The following GNRH2 variants were observed in gnomAD, a reference collection of about 807,000 sequenced individuals.
GNRH2 encodes the protein gonadotropin releasing hormone 2, also known as progonadoliberin-2.
A neutral mutation model predicts 12.1 loss-of-function variants in GNRH2; 15 were observed. The ratio of observed to expected loss-of-function variants is 1.24; its 90% CI spans 0.83 to 1.90. GNRH2 has a LOEUF of 1.90. GNRH2 is among the 40% of genes most tolerant of loss of function. The probability of loss-of-function intolerance (pLI) is 0.00; values close to 1 mark genes in which losing one functional copy is unlikely to be tolerated. For missense variants in GNRH2, 143 were observed against 141.4 expected (o/e 1.01, Z -0.06); for synonymous variants, 60 against 62.0 (o/e 0.97, Z 0.15).
intron 3 of GNRH2, 92 bp from the exon 4 acceptor site, chr20:3,045,584 TGGGGACTGGG>T (rs2065980569): frequency 1.1e-6 from 1 of 951,698 alleles, no homozygotes; most frequent in Non-Finnish European, 1.6e-6. Flanking sequence ...GGAGGCCACA[TGGGGACTGGG>T]GGGGACGAGA....
At chr20:3,044,963 A>AC (rs2148554913) in intron 3 of GNRH2, 127 bp downstream of exon 3, 2 of 699,290 alleles carry the variant, frequency 2.9e-6, no homozygotes, top group South Asian at 1.8e-5. Context: ...CTGCCACAGC[A>AC]CCCCCAGCCA....
In GNRH2 at chr20:3,045,728, A is replaced by G. The variant is rs887428093; in HGVS notation, c.334A>G (p.Lys112Glu). The change falls in exon 4 of 4, where the codon AAA becomes GAA. Residue 112 changes from lysine (K) to glutamate (E), a missense_variant. Coordinates refer to ENST00000359100, the MANE Select transcript of GNRH2 (RefSeq NM_178331.2). ...CCGCCCCGCCCCGCCATCCTCCAAT[A>G]AAGTGTGAGGTTCTCCGAAGCTGTT... The part of the protein sequence containing the change: ...EPRPAPPSSN[K>E]V 1.3e-6 allele frequency: 2 copies of G among 1,599,896 alleles called. No individual in the cohort carries two copies. Among genetic ancestry groups the G allele is most frequent in the Non-Finnish European group, 1.7e-6 (2 of 1,168,622 alleles).
chr20:3,044,597 A>T, intron 2 of GNRH2, 29 bp downstream of exon 2: 1 of 1,611,628 alleles, frequency 6.2e-7, no homozygotes, highest in Non-Finnish European at 8.5e-7. Flanking sequence ...CATGGGGAGG[A>T]AGAAAGTGAT....
At chr20:3,044,613 G>A (rs958613721) in intron 2 of GNRH2, 45 bp downstream of exon 2, 4 of 1,610,128 alleles carry the variant, frequency 2.5e-6, no homozygotes, top group Non-Finnish European at 3.4e-6. Flanking sequence ...GTGATGGCCG[G>A]GGGCTCCCCC....
In GNRH2 at chr20:3,044,743, C is replaced by T. The variant is rs115742898; in HGVS notation, c.198C>T (p.Ala66=). 4,308 of 1,611,778 alleles carry T rather than the reference C, an allele frequency of 2.7e-3. 86 individuals are homozygous for T. In the African/African-American group the frequency reaches 0.045, roughly 17 times the overall value. Reference sequence around the variant, plus strand: ...CTGCCCATGGCCTCCCAAGTGATGCCCTGGCTCCCCTGGACGACAGCATGC... The same window carrying T: ...CTGCCCATGGCCTCCCAAGTGATGCTCTGGCTCCCCTGGACGACAGCATGC... The part of the protein sequence containing the change: ...VQTAHGLPSD[A]LAPLDDSMPW... Residue 66 remains alanine (A), a synonymous_variant, in exon 3 of 4, where the codon GCC becomes GCT. Transcript: ENST00000359100.
chr20:3,044,743 C>G lies in GNRH2; in HGVS notation c.198C>G (p.Ala66=). The G allele has an allele frequency of 6.2e-7, 1 of 1,611,780 alleles. No homozygotes were observed. The highest frequency in any genetic ancestry group is 8.5e-7 in the Non-Finnish European group (1 of 1,178,840). ...VQTAHGLPSD[A]LAPLDDSMPW... is the part of the protein sequence containing the mutation. ...CTGCCCATGGCCTCCCAAGTGATGCCCTGGCTCCCCTGGACGACAGCATGC... is the reference window on the plus strand; with the variant it reads ...CTGCCCATGGCCTCCCAAGTGATGCGCTGGCTCCCCTGGACGACAGCATGC... Residue 66 remains alanine (A), a synonymous_variant, in exon 3 of 4, where the codon GCC becomes GCG. Transcript: ENST00000359100.
At position 3,044,813 on chromosome 20, in the gene GNRH2, C is replaced by T. The variant is rs765920887; in HGVS notation, c.268C>T (p.Arg90Ter). The change falls in exon 3 of 4, where the codon CGA (arginine) becomes TGA (stop). Residue 90 changes from arginine to a stop codon, truncating the protein, a stop_gained. Transcript: ENST00000359100. LOFTEE classifies it low-confidence loss of function (END_TRUNC). ...GGCCCAGTGGTCCCTTCACAGGAAG[C>T]GACACCTGGCACGGACACTGCTGGT... is the stretch of plus-strand genomic sequence containing the variant. ...TTAQWSLHRK[R>*]HLARTLLTAA... The T allele has an allele frequency of 4.8e-5, 77 of 1,610,600 alleles. No homozygotes were observed. The Admixed American group carries it at 7.5e-4, about 16-fold the overall frequency.
intron 3 of GNRH2, among the ~76,000 whole-genome samples, chr20:3,045,460 T>C (rs1323686482): frequency 1.3e-5 from 2 of 152,140 alleles, no homozygotes; most frequent in Non-Finnish European, 2.9e-5. Flanking sequence ...TGCTGAGGTT[T>C]CTATGCGTCA....
intron 3 of GNRH2, among the ~76,000 whole-genome samples, 179 bp from the exon 4 acceptor site, chr20:3,045,507 G>A (rs915957393): frequency 6.6e-6 from 1 of 152,060 alleles, no homozygotes; most frequent in African/African-American, 2.4e-5. Context: ...ATGCCCAAGG[G>A]AGCTGGAGAT....
chr20:3,044,126 T>C (rs914910428), intron 1 of GNRH2: 2 of 429,678 alleles, frequency 4.7e-6, no homozygotes, highest in African/African-American at 3.9e-5. Flanking sequence ...TGGATGGACC[T>C]GGACAAGTGG....
intron 2 of GNRH2, 43 bp downstream of exon 2, chr20:3,044,611 C>CG: frequency 6.2e-7 from 1 of 1,609,862 alleles, no homozygotes; most frequent in Non-Finnish European, 8.5e-7. Context: ...AAGTGATGGC[C>CG]GGGGGCTCCC....
Position 3,045,673 on chromosome 20 carries a change from T to G in GNRH2, c.292-13T>G, listed in dbSNP as rs2065981755. On this transcript the variant is annotated splice_polypyrimidine_tract_variant and intron_variant, in intron 3 of 3. Transcript: ENST00000359100. ...AGTGTCCTGAGACATGACCGCCACC[T>G]CTCCCTCCGCAGACCGCAGCCCGAG... is the stretch of plus-strand genomic sequence containing the variant. 1 of 1,608,016 alleles carries G rather than the reference T, an allele frequency of 6.2e-7. No homozygotes were observed. The highest frequency in any genetic ancestry group is 8.5e-7 in the Non-Finnish European group (1 of 1,175,660).
At position 3,044,521 on chromosome 20, in the gene GNRH2, G is replaced by A. The variant is rs61729221; in HGVS notation, c.107G>A (p.Arg36Gln). Reference sequence around the variant, plus strand: ...CATGGCTGGTACCCTGGAGGAAAGCGAGCCCTCAGCTCAGCCCAGGATCCC... The same window carrying A: ...CATGGCTGGTACCCTGGAGGAAAGCAAGCCCTCAGCTCAGCCCAGGATCCC... The part of the protein sequence containing the change: ...WSHGWYPGGK[R>Q]ALSSAQDPQN... The change falls in exon 2 of 4, where the codon CGA (arginine) becomes CAA (glutamine). Residue 36 changes from arginine to glutamine, a missense_variant. Physicochemically the swap from Arg to Gln is conservative, Grantham distance 43. Coordinates refer to ENST00000359100, the MANE Select transcript of GNRH2 (RefSeq NM_178331.2). The A allele has an allele frequency of 2.3e-5, 37 of 1,613,662 alleles. No individual in the cohort carries two copies. Among genetic ancestry groups the A allele is most frequent in the African/African-American group, 8.0e-5 (6 of 74,910 alleles).
chr20:3,044,216 C>T (rs930735506), intron 1 of GNRH2, 192 bp from the exon 2 acceptor site: 4 of 566,830 alleles, frequency 7.1e-6, no homozygotes, highest in African/African-American at 5.6e-5. Context: ...GAGCATCATC[C>T]CCTGCTGGGC....
intron 3 of GNRH2, among the ~76,000 whole-genome samples, chr20:3,045,094 A>G (rs2065975026): frequency 6.6e-6 from 1 of 152,186 alleles, no homozygotes; most frequent in Non-Finnish European, 1.5e-5. Context: ...AGTAGACTAG[A>G]AGGAGATAAT....
At chr20:3,044,603 G>A (rs763275496) in intron 2 of GNRH2, 35 bp downstream of exon 2, 2 of 1,611,240 alleles carry the variant, frequency 1.2e-6, no homozygotes, top group African/African-American at 1.3e-5. Flanking sequence ...GAGGAAGAAA[G>A]TGATGGCCGG....
intron 3 of GNRH2, 115 bp from the exon 4 acceptor site, chr20:3,045,571 G>A (rs2065980274): frequency 2.4e-6 from 2 of 849,990 alleles, no homozygotes; most frequent in African/African-American, 1.6e-5. Context: ...GCGTCCTGCT[G>A]TGGGAGGCCA....
chr20:3,043,888 A>G (rs902742881), intron 1 of GNRH2: 1 of 158,178 alleles, frequency 6.3e-6, no homozygotes, highest in African/African-American at 2.4e-5. Flanking sequence ...GCCCCCATCA[A>G]TACCACTCAT....
In GNRH2 at chr20:3,045,726, A is replaced by G. The variant is rs767316458; in HGVS notation, c.332A>G (p.Asn111Ser). 87 of 1,588,252 alleles carry G rather than the reference A, an allele frequency of 5.5e-5. No homozygotes were observed. Among genetic ancestry groups the G allele is most frequent in the Non-Finnish European group, 7.3e-5 (85 of 1,158,878 alleles). Residue 111 changes from asparagine (N) to serine (S), a missense_variant, in exon 4 of 4, where the codon AAT (asparagine) becomes AGT (serine). Transcript: ENST00000359100. ...CCCCGCCCCGCCCCGCCATCCTCCA[A>G]TAAAGTGTGAGGTTCTCCGAAGCTG... is the stretch of plus-strand genomic sequence containing the variant. ...REPRPAPPSSNKV is the reference protein window; with the variant it reads ...REPRPAPPSSSKV
Sources: gnomAD v4.1 joint callset for allele counts (sites outside exome capture counted in the v4.1 genomes callset) on GRCh38, gnomAD v4.1.1 for gene constraint, MANE v1.5 for transcripts, NCBI Gene and HGNC (gene_info 2026-07-23, HGNC 2026-07-21) for gene names.